The following KLHL1 variants were observed in gnomAD, a reference collection of about 807,000 sequenced individuals.
KLHL1 encodes the protein kelch like family member 1.
In KLHL1, 47 loss-of-function variants were observed where a neutral mutation model predicts 77.7. The ratio of observed to expected loss-of-function variants is 0.60; its 90% CI spans 0.48 to 0.77. The LOEUF (loss-of-function observed/expected upper bound fraction) is 0.77, where lower values mean the gene tolerates loss of function less well. Ranked by LOEUF, KLHL1 falls within the 30% of genes least tolerant of loss-of-function variation. The pLI is 0.00. For missense variants in KLHL1, 925 were observed against 910.8 expected, an observed-to-expected ratio of 1.02 and a Z score of -0.20; for synonymous variants, 360 against 325.2, an observed-to-expected ratio of 1.11 and a Z score of -1.15.
At chr13:69,708,004 C>T (rs1005216427) in intron 9 of KLHL1, among the ~76,000 whole-genome samples, 1 of 151,840 alleles carries the variant, frequency 6.6e-6, no homozygotes, top group Non-Finnish European at 1.5e-5. Context: ...TGTATTCAGA[C>T]TCATAGATGA....
intron 2 of KLHL1, among the ~76,000 whole-genome samples, chr13:69,973,472 T>C (rs1443574116): frequency 1.3e-5 from 2 of 151,656 alleles, no homozygotes; most frequent in Non-Finnish European, 1.5e-5. Context: ...TTTATATTAT[T>C]TGATATTATT....
Position 69,933,760 on chromosome 13 carries a change from G to T in KLHL1, c.1014+6280C>A, listed in dbSNP as rs567698709. ...GCCTAAACCTAATGAAATCTTCTAA[G>T]TCATACTGGTAGCACCGGACAGAAA... On this transcript the variant is annotated intron_variant, in intron 4 of 10. Transcript: ENST00000377844. Among the ~76,000 whole-genome samples the T allele has an allele frequency of 2.0e-5, 3 of 151,412 alleles. No individual in the cohort carries two copies. In the East Asian group the frequency reaches 5.8e-4, roughly 30 times the overall value.
intron 6 of KLHL1, among the ~76,000 whole-genome samples, 175 bp downstream of exon 6, chr13:69,838,797 GATGA>G (rs929747087): frequency 6.6e-6 from 1 of 151,842 alleles, no homozygotes; most frequent in Non-Finnish European, 1.5e-5. Flanking sequence ...GGAACTTAAA[GATGA>G]ATAAGAAGCA....
At chr13:69,722,439 T>C (rs898153233) in intron 8 of KLHL1, among the ~76,000 whole-genome samples, 1 of 151,956 alleles carries the variant, frequency 6.6e-6, no homozygotes, top group African/African-American at 2.4e-5. Flanking sequence ...GACCTATATC[T>C]ATCTAATCTA....
intron 1 of KLHL1, among the ~76,000 whole-genome samples, chr13:70,006,233 A>G (rs970746335): frequency 6.6e-6 from 1 of 152,012 alleles, no homozygotes; most frequent in African/African-American, 2.4e-5. Flanking sequence ...TGTTGTATGC[A>G]TATACGACAT....
At chr13:70,061,240 A>T (rs1886876265) in intron 1 of KLHL1, among the ~76,000 whole-genome samples, 1 of 152,138 alleles carries the variant, frequency 6.6e-6, no homozygotes, top group African/African-American at 2.4e-5. Context: ...ATTATCATTT[A>T]ATCTACTGGA....
At chr13:69,900,289 T>C (rs1052245006) in intron 4 of KLHL1, among the ~76,000 whole-genome samples, 1 of 152,168 alleles carries the variant, frequency 6.6e-6, no homozygotes, top group Admixed American at 6.5e-5. Context: ...GTAATATTCA[T>C]TGGTCTCACC....
chr13:69,978,461 G>T, intron 1 of KLHL1, among the ~76,000 whole-genome samples: 1 of 146,982 alleles, frequency 6.8e-6, no homozygotes, highest in Non-Finnish European at 1.5e-5. Flanking sequence ...ATTAACCACA[G>T]GTTAAAGGAA....
At chr13:70,041,059 T>C (rs1298497591) in intron 1 of KLHL1, among the ~76,000 whole-genome samples, 2 of 152,198 alleles carry the variant, frequency 1.3e-5, no homozygotes, top group Non-Finnish European at 2.9e-5. Flanking sequence ...AGATATTATA[T>C]TTTTAATTGT....
chr13:69,962,411 T>C (rs1265780098), intron 2 of KLHL1, among the ~76,000 whole-genome samples: 1 of 152,068 alleles, frequency 6.6e-6, no homozygotes, highest in Admixed American at 6.6e-5. Flanking sequence ...AGTTATATTC[T>C]TTTGACTTAT....
At chr13:70,099,223 C>T (rs9599548) in intron 1 of KLHL1, among the ~76,000 whole-genome samples, 24,537 of 151,518 alleles carry the variant, frequency 0.16, 2,182 homozygotes, top group East Asian at 0.24. Context: ...TTATTCAAGA[C>T]GTTCTATATA....
intron 1 of KLHL1, among the ~76,000 whole-genome samples, chr13:70,001,464 G>C (rs930522058): frequency 6.6e-6 from 1 of 150,960 alleles, no homozygotes; most frequent in Admixed American, 6.6e-5. Flanking sequence ...AAGCTAAATC[G>C]CACATATAAA....
intron 3 of KLHL1, among the ~76,000 whole-genome samples, chr13:69,949,612 G>A (rs1593979058): frequency 6.6e-6 from 1 of 151,692 alleles, no homozygotes; most frequent in East Asian, 1.9e-4. Context: ...CACTTACGGA[G>A]GGGGGAGTTG....
intron 1 of KLHL1, among the ~76,000 whole-genome samples, chr13:70,092,220 A>G (rs1231800451): frequency 6.6e-6 from 1 of 152,176 alleles, no homozygotes; most frequent in Non-Finnish European, 1.5e-5. Flanking sequence ...TTAAGCCACA[A>G]ATTTTATAGT....
At chr13:70,055,232 G>A (rs934129863) in intron 1 of KLHL1, among the ~76,000 whole-genome samples, 2 of 152,172 alleles carry the variant, frequency 1.3e-5, no homozygotes, top group Admixed American at 6.5e-5. Context: ...ACTTATCAGT[G>A]AGAACCTCAC....
intron 5 of KLHL1, among the ~76,000 whole-genome samples, chr13:69,882,055 A>T (rs914187132): frequency 1.3e-5 from 2 of 152,196 alleles, no homozygotes; most frequent in South Asian, 4.1e-4. Context: ...AAGTGATATT[A>T]TCATAATCTT....
intron 1 of KLHL1, among the ~76,000 whole-genome samples, chr13:70,074,079 G>T (rs9564647): frequency 2.6e-5 from 4 of 151,852 alleles, no homozygotes; most frequent in Non-Finnish European, 5.9e-5. Flanking sequence ...CGCCCACCTC[G>T]GCCTCCCAAA....
chr13:70,009,564 A>G (rs2137335875), intron 1 of KLHL1, among the ~76,000 whole-genome samples: 1 of 152,254 alleles, frequency 6.6e-6, no homozygotes, highest in Admixed American at 6.5e-5. Flanking sequence ...CGATGCGACT[A>G]TAGGCTTCTT....
chr13:69,864,034 AAACAG>A (rs1880274969), intron 5 of KLHL1, among the ~76,000 whole-genome samples: 1 of 152,066 alleles, frequency 6.6e-6, no homozygotes, highest in Non-Finnish European at 1.5e-5. Flanking sequence ...TTGTCTCAAA[AAACAG>A]ATTCATGAAA....
Sources: gnomAD v4.1 joint callset for allele counts (sites outside exome capture counted in the v4.1 genomes callset) on GRCh38, gnomAD v4.1.1 for gene constraint, MANE v1.5 for transcripts, NCBI Gene and HGNC (gene_info 2026-07-23, HGNC 2026-07-21) for gene names.